The following RPS6KC1 variants were observed in gnomAD, a reference collection of about 807,000 sequenced individuals.
RPS6KC1 encodes the protein inactive ribosomal protein S6 kinase delta-1.
RPS6KC1 carries 54 observed loss-of-function variants against 103.8 expected under a neutral mutation model. That is an observed-to-expected ratio of 0.52 (90% CI 0.42 to 0.65). RPS6KC1 has a LOEUF of 0.65. Ranked by LOEUF, RPS6KC1 falls within the 30% of genes least tolerant of loss-of-function variation. The pLI, the probability that RPS6KC1 is intolerant of heterozygous loss-of-function variation, is 0.00. For missense variants in RPS6KC1, 1,151 were observed against 1,253.8 expected (o/e 0.92, Z 1.24); for synonymous variants, 439 against 438.7 (o/e 1.00, Z -0.01).
chr1:213,513,956 C>T, the RPS6KC1 span, among the ~76,000 whole-genome samples: 1 of 152,298 alleles, frequency 6.6e-6, no homozygotes, highest in African/African-American at 2.4e-5. Context: ...CTCCATGTTG[C>T]TTGTGGTTTT....
the RPS6KC1 span, among the ~76,000 whole-genome samples, chr1:213,698,262 G>T: frequency 2.6e-5 from 4 of 152,110 alleles, no homozygotes; most frequent in African/African-American, 9.7e-5. Flanking sequence ...TTTTATTGTG[G>T]TTTCCGCTGT....
At chr1:213,496,764 A>G in the RPS6KC1 span, among the ~76,000 whole-genome samples, 3 of 152,094 alleles carry the variant, frequency 2.0e-5, no homozygotes, top group African/African-American at 7.2e-5. Context: ...TCTCGGGGGA[A>G]AAAAAGAAAA....
the RPS6KC1 span, among the ~76,000 whole-genome samples, chr1:213,596,799 A>T: frequency 2.0e-5 from 3 of 152,242 alleles, no homozygotes; most frequent in African/African-American, 7.2e-5. Context: ...GCACTATGCC[A>T]AGAGTAGAAA....
chr1:213,623,151 G>A, the RPS6KC1 span, among the ~76,000 whole-genome samples: 3 of 152,280 alleles, frequency 2.0e-5, no homozygotes, highest in East Asian at 1.9e-4. Context: ...GAAACATCGG[G>A]CATGACTGTT....
chr1:213,411,721 C>T, the RPS6KC1 span, among the ~76,000 whole-genome samples: 1 of 152,022 alleles, frequency 6.6e-6, no homozygotes, highest in Non-Finnish European at 1.5e-5. Context: ...CTGAAGTGGT[C>T]AAAGAGGAGT....
the RPS6KC1 span, among the ~76,000 whole-genome samples, chr1:213,825,911 A>G: frequency 6.6e-6 from 1 of 152,224 alleles, no homozygotes; most frequent in East Asian, 1.9e-4. Context: ...TTAAATTTTA[A>G]TTAAAGCCCA....
At chr1:213,856,011 C>T in the RPS6KC1 span, among the ~76,000 whole-genome samples, 296 of 152,284 alleles carry the variant, frequency 1.9e-3, 1 homozygote, top group African/African-American at 6.5e-3. Flanking sequence ...TCCCAACCAG[C>T]GGATATGTGA....
At chr1:213,160,593 A>G (rs896641456) in intron 6 of RPS6KC1, among the ~76,000 whole-genome samples, 1 of 152,238 alleles carries the variant, frequency 6.6e-6, no homozygotes, top group African/African-American at 2.4e-5. Context: ...TTGAGACATC[A>G]GTAGGCATGA....
At chr1:213,172,296 A>G (rs942448719) in intron 7 of RPS6KC1, among the ~76,000 whole-genome samples, 1 of 152,136 alleles carries the variant, frequency 6.6e-6, no homozygotes, top group East Asian at 1.9e-4. Context: ...ACAAATCCCC[A>G]AACAGAAACA....
At chr1:213,806,176 C>T in the RPS6KC1 span, among the ~76,000 whole-genome samples, 400 of 151,976 alleles carry the variant, frequency 2.6e-3, 5 homozygotes, top group East Asian at 0.045. Context: ...ACTAAAAATA[C>T]GAAAAATTAG....
the RPS6KC1 span, chr1:213,820,951 T>C: frequency 6.6e-6 from 1 of 152,118 alleles, no homozygotes; most frequent in Admixed American, 6.6e-5. Context: ...AGCATTTCTG[T>C]CTCCAAACAT....
chr1:213,470,469 C>G, the RPS6KC1 span, among the ~76,000 whole-genome samples: 2 of 152,124 alleles, frequency 1.3e-5, no homozygotes, highest in South Asian at 2.1e-4. Flanking sequence ...ATCCAGCCAG[C>G]CTGGTTGTCT....
the RPS6KC1 span, among the ~76,000 whole-genome samples, chr1:213,305,437 C>A: frequency 6.6e-6 from 1 of 152,188 alleles, no homozygotes; most frequent in Admixed American, 6.5e-5. Context: ...AAGACTCTTG[C>A]TGTATATTTG....
the RPS6KC1 span, among the ~76,000 whole-genome samples, chr1:213,673,268 A>G: frequency 6.6e-6 from 1 of 152,258 alleles, no homozygotes; most frequent in African/African-American, 2.4e-5. Context: ...GGAATAAGTC[A>G]GGAGTAGTTA....
the RPS6KC1 span, among the ~76,000 whole-genome samples, chr1:213,724,635 C>T: frequency 1.3e-5 from 2 of 152,054 alleles, no homozygotes; most frequent in Admixed American, 6.5e-5. Context: ...TATAGTGGCT[C>T]GTGCTTGTAA....
At position 213,180,466 on chromosome 1, in the gene RPS6KC1, G is replaced by A. The variant is rs1187755845; in HGVS notation, c.1044+3974G>A. Reference sequence around the variant, plus strand: ...TTGAGAATTAGCATATTGACCAAAGGTGTGCTAGATTCCTTTAGATCTTAA... The same window carrying A: ...TTGAGAATTAGCATATTGACCAAAGATGTGCTAGATTCCTTTAGATCTTAA... On this transcript the variant is annotated intron_variant, in intron 8 of 14. Coordinates refer to ENST00000366960, the MANE Select transcript of RPS6KC1 (RefSeq NM_012424.6). Among the ~76,000 whole-genome samples, 5 of 152,040 alleles carry A rather than the reference G, an allele frequency of 3.3e-5. No homozygotes were observed. The East Asian group carries it at 9.6e-4, about 29-fold the overall frequency.
chr1:213,672,585 T>G, the RPS6KC1 span, among the ~76,000 whole-genome samples: 3 of 150,718 alleles, frequency 2.0e-5, no homozygotes, highest in Admixed American at 2.0e-4. Flanking sequence ...CTTTATCTCC[T>G]CTGTGGGGAC....
At chr1:213,646,155 T>TC in the RPS6KC1 span, among the ~76,000 whole-genome samples, 2 of 152,234 alleles carry the variant, frequency 1.3e-5, no homozygotes, top group African/African-American at 4.8e-5. Context: ...AAGGGGCAGT[T>TC]CCCCCTGAAA....
intron 4 of RPS6KC1, among the ~76,000 whole-genome samples, chr1:213,106,755 C>T (rs1040711471): frequency 6.6e-6 from 1 of 152,078 alleles, no homozygotes; most frequent in African/African-American, 2.4e-5. Flanking sequence ...TGACCCATGG[C>T]CTGGTTTCAG....
Sources: gnomAD v4.1 joint callset for allele counts (sites outside exome capture counted in the v4.1 genomes callset) on GRCh38, gnomAD v4.1.1 for gene constraint, MANE v1.5 for transcripts, NCBI Gene and HGNC (gene_info 2026-07-23, HGNC 2026-07-21) for gene names.